SPAG16: variants seen among roughly 807,000 people sequenced by gnomAD.
SPAG16 encodes the protein sperm-associated antigen 16 protein.
In SPAG16, 86 loss-of-function variants were observed where a neutral mutation model predicts 80.4. The observed-to-expected ratio is 1.07, with a 90% confidence interval of 0.90 to 1.28. The LOEUF is 1.28. Ranked by LOEUF, SPAG16 falls within the 50% of genes most tolerant of loss-of-function variation. SPAG16 has a pLI of 0.00. For synonymous variants in SPAG16, 294 were observed against 265.9 expected, an observed-to-expected ratio of 1.11 and a Z score of -1.03; for missense variants, 870 against 765.3, an observed-to-expected ratio of 1.14 and a Z score of -1.61.
At chr2:214,010,656 G>T (rs1418045150) in intron 12 of SPAG16, among the ~76,000 whole-genome samples, 1 of 146,640 alleles carries the variant, frequency 6.8e-6, no homozygotes, top group South Asian at 2.1e-4. Context: ...GGTGACCCAA[G>T]AAATTATAAC....
At chr2:213,419,412 A>C (rs540297449) in intron 9 of SPAG16, among the ~76,000 whole-genome samples, 2 of 152,104 alleles carry the variant, frequency 1.3e-5, no homozygotes, top group East Asian at 3.8e-4. Context: ...TAATATGCTC[A>C]TACAGAAGGT....
chr2:214,108,475 ACACACCCC>A (rs1219674929), intron 14 of SPAG16, among the ~76,000 whole-genome samples: 5 of 86,100 alleles, frequency 5.8e-5, no homozygotes, highest in African/African-American at 2.0e-4. Context: ...ACACACACAC[ACACACCCC>A]CACACACACC....
chr2:213,354,538 T>C (rs1395264952), intron 7 of SPAG16, among the ~76,000 whole-genome samples: 1 of 152,204 alleles, frequency 6.6e-6, no homozygotes, highest in East Asian at 1.9e-4. Flanking sequence ...CCACATCCTC[T>C]CCAGCATCTG....
At chr2:213,630,191 C>T (rs1398642468) in intron 10 of SPAG16, among the ~76,000 whole-genome samples, 3 of 152,088 alleles carry the variant, frequency 2.0e-5, no homozygotes, top group African/African-American at 7.2e-5. Flanking sequence ...GGAGACCAGC[C>T]TAGCGAACAT....
At chr2:213,696,273 A>C (rs1398309108) in intron 10 of SPAG16, among the ~76,000 whole-genome samples, 1 of 152,164 alleles carries the variant, frequency 6.6e-6, no homozygotes, top group African/African-American at 2.4e-5. Context: ...TCCTGAGTTA[A>C]GTTTTATGCA....
At chr2:214,177,247 T>C (rs1203301513) in intron 15 of SPAG16, among the ~76,000 whole-genome samples, 1 of 151,204 alleles carries the variant, frequency 6.6e-6, no homozygotes, top group East Asian at 1.9e-4. Flanking sequence ...TCAAAGTCCC[T>C]GAATTTTCCT....
At chr2:214,052,148 G>T (rs1575986632) in intron 13 of SPAG16, among the ~76,000 whole-genome samples, 1 of 151,944 alleles carries the variant, frequency 6.6e-6, no homozygotes, top group Admixed American at 6.6e-5. Flanking sequence ...GACTATTTTT[G>T]CATGGAGTAG....
chr2:214,018,241 A>T (rs891994114), intron 13 of SPAG16, among the ~76,000 whole-genome samples: 6 of 152,164 alleles, frequency 3.9e-5, no homozygotes, highest in South Asian at 2.1e-4. Context: ...CATTTCAGAT[A>T]TAGCTAATTT....
intron 13 of SPAG16, among the ~76,000 whole-genome samples, chr2:214,051,405 A>C (rs2049635891): frequency 6.6e-6 from 1 of 152,244 alleles, no homozygotes; most frequent in Admixed American, 6.5e-5. Flanking sequence ...CCTGTGAATG[A>C]GGAAATGGCC....
intron 15 of SPAG16, among the ~76,000 whole-genome samples, chr2:214,174,026 T>C (rs2056980404): frequency 6.6e-6 from 1 of 151,880 alleles, no homozygotes; most frequent in African/African-American, 2.4e-5. Flanking sequence ...AATTCAACAA[T>C]CCTTCATGCT....
At chr2:213,477,141 A>C (rs1350743541) in intron 9 of SPAG16, among the ~76,000 whole-genome samples, 1 of 152,184 alleles carries the variant, frequency 6.6e-6, no homozygotes, top group East Asian at 1.9e-4. Flanking sequence ...GAGAGTAGAT[A>C]AGATGGGGAT....
chr2:214,178,756 C>T (rs548198990), intron 15 of SPAG16, among the ~76,000 whole-genome samples: 41 of 151,160 alleles, frequency 2.7e-4, no homozygotes, highest in Non-Finnish European at 4.9e-4. Flanking sequence ...ACCCAGTATT[C>T]GAAGCTGAAT....
chr2:213,291,331 G>A (rs150827121), intron 1 of SPAG16, among the ~76,000 whole-genome samples: 1 of 152,196 alleles, frequency 6.6e-6, no homozygotes, highest in African/African-American at 2.4e-5. Context: ...GTAAACAGAT[G>A]CGTACAAACA....
At chr2:213,894,856 G>A (rs1429596280) in intron 11 of SPAG16, among the ~76,000 whole-genome samples, 1 of 151,850 alleles carries the variant, frequency 6.6e-6, no homozygotes, top group East Asian at 1.9e-4. Context: ...CAGGCTTGGT[G>A]GCATGTGCCT....
intron 1 of SPAG16, among the ~76,000 whole-genome samples, chr2:213,285,108 G>C (rs2062006952): frequency 2.6e-5 from 4 of 152,174 alleles, no homozygotes. Flanking sequence ...CGATGGTCCA[G>C]TTAATGCTTA....
At chr2:214,079,491 A>T (rs908874490) in intron 13 of SPAG16, among the ~76,000 whole-genome samples, 1 of 152,248 alleles carries the variant, frequency 6.6e-6, no homozygotes. Flanking sequence ...CAATTCTTAA[A>T]TAAGCCATGT....
chr2:214,208,184 C>G (rs2058198471), intron 15 of SPAG16, among the ~76,000 whole-genome samples: 1 of 152,108 alleles, frequency 6.6e-6, no homozygotes, highest in African/African-American at 2.4e-5. Flanking sequence ...GTACCAAAAT[C>G]TGTATTATGT....
chr2:213,536,716 A>G (rs1441370417), intron 10 of SPAG16, among the ~76,000 whole-genome samples: 2 of 151,918 alleles, frequency 1.3e-5, no homozygotes, highest in Non-Finnish European at 2.9e-5. Context: ...TTCATTGTAG[A>G]TTCTGGATAT....
intron 8 of SPAG16, among the ~76,000 whole-genome samples, chr2:213,371,190 C>T (rs1320573317): frequency 2.0e-5 from 3 of 151,924 alleles, no homozygotes; most frequent in Non-Finnish European, 4.4e-5. Context: ...AGGCGGATCA[C>T]GAGGTCAGGA....
Sources: gnomAD v4.1 joint callset for allele counts (sites outside exome capture counted in the v4.1 genomes callset) on GRCh38, gnomAD v4.1.1 for gene constraint, MANE v1.5 for transcripts, NCBI Gene and HGNC (gene_info 2026-07-23, HGNC 2026-07-21) for gene names.